Variants in CECR2 observed in about 807,000 individuals in gnomAD.
CECR2 encodes CECR2 histone acetyl-lysine reader.
In CECR2, 30 loss-of-function variants were observed where a neutral mutation model predicts 154.5. The observed-to-expected ratio is 0.19, with a 90% CI of 0.15 to 0.26. CECR2 has a LOEUF of 0.26. Ranked by LOEUF, CECR2 falls within the 10% of genes least tolerant of loss-of-function variation. CECR2 has a pLI of 1.00. For missense variants in CECR2, 1,743 were observed against 1,829.3 expected (o/e 0.95, Z 0.86); for synonymous variants, 725 against 683.7 (o/e 1.06, Z -0.94).
Position 17,414,196 on chromosome 22 carries a change from TCGC to T in CECR2, c.126+44289_126+44291del, listed in dbSNP as rs781143149. On this transcript the variant is annotated intron_variant, in intron 1 of 18. Coordinates refer to ENST00000262608, the MANE Select transcript of CECR2 (RefSeq NM_001290047.2). ...ACTGTGTTAGCCAGGATGGTCTCGA[TCGC>T]CTGACCTCGTGATCCGCCCGCCTTG... Among the ~76,000 whole-genome samples the T allele has an allele frequency of 4.5e-3, 683 of 151,976 alleles. 1 individual carries two copies. Among genetic ancestry groups the T allele is most frequent in the Admixed American group, 8.4e-3 (128 of 15,248 alleles).
chr22:17,445,867 C>T (rs924977567), intron 1 of CECR2, among the ~76,000 whole-genome samples: 9 of 152,078 alleles, frequency 5.9e-5, no homozygotes, highest in African/African-American at 1.9e-4. Flanking sequence ...TGCTGGGACC[C>T]TGCACCTGGC....
intron 8 of CECR2, among the ~76,000 whole-genome samples, chr22:17,522,776 G>T (rs1045899352): frequency 6.6e-6 from 1 of 151,802 alleles, no homozygotes; most frequent in East Asian, 2.0e-4. Flanking sequence ...AGGCTGAGGT[G>T]GGCGGATCAC....
At chr22:17,457,029 A>G (rs977450627) in intron 1 of CECR2, among the ~76,000 whole-genome samples, 26 of 152,094 alleles carry the variant, frequency 1.7e-4, no homozygotes, top group Admixed American at 1.3e-3. Flanking sequence ...TATATTTACT[A>G]GTTTGTTTGT....
chr22:17,503,439 C>T (rs888570831), intron 6 of CECR2, among the ~76,000 whole-genome samples: 3 of 152,142 alleles, frequency 2.0e-5, no homozygotes, highest in Non-Finnish European at 2.9e-5. Flanking sequence ...AATGTCAGTG[C>T]TTCATGACAC....
intron 8 of CECR2, among the ~76,000 whole-genome samples, chr22:17,518,327 C>T (rs1424759936): frequency 6.6e-6 from 1 of 152,180 alleles, no homozygotes; most frequent in African/African-American, 2.4e-5. Flanking sequence ...ATGGTTCAGT[C>T]TTGAAAGCAG....
chr22:17,541,890 A>T lies in CECR2; in HGVS notation c.1936A>T (p.Thr646Ser), dbSNP rs1310499911. ...FGPLRGSDPA[T>S]LYGSSGVPEP... is the part of the protein sequence containing the mutation. ...CCCTCTGCGAGGATCAGATCCTGCC[A>T]CCTTGTATGGCTCCTCTGGAGTCCC... The change falls in exon 15 of 19, where the codon ACC becomes TCC. Residue 646 changes from threonine to serine, a missense_variant. By Grantham distance (58) the Thr-to-Ser change is moderately conservative (BLOSUM62 1). This residue lies in a region of CECR2 where 1,250 missense variants were observed against 1,192.1 expected (regional missense o/e 1.05). Coordinates refer to ENST00000262608, the MANE Select transcript of CECR2 (RefSeq NM_001290047.2). 6.2e-7 allele frequency: 1 copy of T among 1,613,922 alleles called. No homozygotes were observed. The highest frequency in any genetic ancestry group is 1.7e-5 in the Admixed American group (1 of 60,000).
chr22:17,363,010 C>T (rs115815046), intron 1 of CECR2, among the ~76,000 whole-genome samples: 1,537 of 150,916 alleles, frequency 0.01, 29 homozygotes, highest in African/African-American at 0.036. Context: ...TCCTGTGTCA[C>T]GTCCTTTGCA....
intron 1 of CECR2, among the ~76,000 whole-genome samples, chr22:17,445,926 A>G (rs947603189): frequency 3.3e-5 from 5 of 152,120 alleles, no homozygotes; most frequent in African/African-American, 7.2e-5. Flanking sequence ...TGTAAATGCT[A>G]TAATGCTATA....
At chr22:17,408,982 G>A (rs553930398) in intron 1 of CECR2, among the ~76,000 whole-genome samples, 23 of 152,284 alleles carry the variant, frequency 1.5e-4, no homozygotes, top group African/African-American at 5.3e-4. Flanking sequence ...TTTTCATAAA[G>A]GCTCTGAACT....
At chr22:17,501,428 G>T (rs2055735883) in intron 5 of CECR2, among the ~76,000 whole-genome samples, 1 of 152,048 alleles carries the variant, frequency 6.6e-6, no homozygotes. Flanking sequence ...CGTGGTGGCG[G>T]GTGCCTGTAG....
In CECR2 at chr22:17,539,137, T is replaced by G; in HGVS notation, c.1495+18T>G. The G allele has an allele frequency of 6.2e-7, 1 of 1,610,480 alleles. No homozygotes were observed. The highest frequency in any genetic ancestry group is 8.5e-7 in the Non-Finnish European group (1 of 1,179,390). On this transcript the variant is annotated intron_variant, in intron 13 of 18. Transcript: ENST00000262608. Reference sequence around the variant, plus strand: ...AAGTAGTGGTAAGCAGGGAAGGAGTTTGTGCTAGATACATATCTGTAATCA... The same window carrying G: ...AAGTAGTGGTAAGCAGGGAAGGAGTGTGTGCTAGATACATATCTGTAATCA...
At chr22:17,403,274 T>TACCAGGCA (rs200324800) in intron 1 of CECR2, among the ~76,000 whole-genome samples, 7,858 of 152,306 alleles carry the variant, frequency 0.052, 307 homozygotes, top group African/African-American at 0.12. Context: ...TTTTTTTCTT[T>TACCAGGCA]TGGTACTGCC....
intron 1 of CECR2, chr22:17,477,013 A>T (rs2055218760): frequency 7.5e-6 from 5 of 670,634 alleles, no homozygotes; most frequent in Non-Finnish European, 1.4e-5. Flanking sequence ...ATGATGTAAG[A>T]TTAGCCTTGG....
intron 7 of CECR2, 22 bp downstream of exon 7, chr22:17,505,038 GTCC>G (rs776920015): frequency 6.2e-7 from 1 of 1,609,172 alleles, no homozygotes; most frequent in Non-Finnish European, 8.5e-7. Context: ...TCTCTGCTCT[GTCC>G]TCCTCAGTGT....
chr22:17,549,038 A>G lies in CECR2; in HGVS notation c.3751A>G (p.Thr1251Ala). The G allele has an allele frequency of 6.2e-7, 1 of 1,613,962 alleles. No individual in the cohort carries two copies. The highest frequency in any genetic ancestry group is 8.5e-7 in the Non-Finnish European group (1 of 1,179,874). Reference protein sequence around the residue: ...NAMASLQGCETLNAALTSPTR... With the variant: ...NAMASLQGCEALNAALTSPTR... ...CATGGCCAGTCTGCAAGGCTGTGAGACACTGAATGCTGCCTTAACTTCTCC... is the reference window on the plus strand; with the variant it reads ...CATGGCCAGTCTGCAAGGCTGTGAGGCACTGAATGCTGCCTTAACTTCTCC... Residue 1251 changes from threonine to alanine, a missense_variant, in exon 17 of 19, where the codon ACA (threonine) becomes GCA (alanine). By Grantham distance (58) the Thr-to-Ala change is moderately conservative. Around this residue, in one of 4 missense-constraint regions of CECR2, gnomAD observed 1,250 missense variants for 1,192.1 expected, o/e 1.05. Coordinates refer to ENST00000262608, the MANE Select transcript of CECR2 (RefSeq NM_001290047.2).
chr22:17,486,730 A>G (rs1384907187), intron 2 of CECR2, among the ~76,000 whole-genome samples: 4 of 152,260 alleles, frequency 2.6e-5, no homozygotes, highest in Non-Finnish European at 5.9e-5. Flanking sequence ...ATACATATAT[A>G]TGGAAAACTT....
At chr22:17,398,391 G>A (rs757178948) in intron 1 of CECR2, among the ~76,000 whole-genome samples, 27 of 152,150 alleles carry the variant, frequency 1.8e-4, no homozygotes, top group African/African-American at 6.3e-4. Flanking sequence ...ATGTGAGGTC[G>A]TAAGTGTGGG....
intron 1 of CECR2, among the ~76,000 whole-genome samples, chr22:17,432,575 C>G (rs1294623914): frequency 6.6e-6 from 1 of 152,190 alleles, no homozygotes; most frequent in African/African-American, 2.4e-5. Context: ...CATTACTTTA[C>G]ATTCTCACCA....
Position 17,372,770 on chromosome 22 carries a change from TA to T in CECR2, c.126+2865del, listed in dbSNP as rs539352466. On this transcript the variant is annotated intron_variant, in intron 1 of 18. Transcript: ENST00000262608. Reference sequence around the variant, plus strand: ...CTACAGTCTTAATTTTCTGCAACTTTAAAAGGTAAAAATGATAAATAATAGC... The same window carrying T: ...CTACAGTCTTAATTTTCTGCAACTTTAAAGGTAAAAATGATAAATAATAGC... Among the ~76,000 whole-genome samples the T allele has an allele frequency of 7.2e-5, 11 of 152,296 alleles. No homozygotes were observed. The South Asian group carries it at 2.3e-3, about 32-fold the overall frequency.
Sources: gnomAD v4.1 joint callset for allele counts (sites outside exome capture counted in the v4.1 genomes callset) on GRCh38, gnomAD v4.1.1 for gene constraint, gnomAD v4.1.1 regional missense constraint, MANE v1.5 for transcripts, NCBI Gene and HGNC (gene_info 2026-07-23, HGNC 2026-07-21) for gene names.